Variants in FAM135A observed in about 807,000 individuals in gnomAD.
The protein encoded by FAM135A is family with sequence similarity 135 member A.
FAM135A carries 79 observed loss-of-function variants against 146.8 expected under a neutral mutation model. The observed-to-expected ratio is 0.54, with a 90% CI of 0.45 to 0.65. The LOEUF (loss-of-function observed/expected upper bound fraction) is 0.65. Ranked by LOEUF, FAM135A falls within the 30% of genes least tolerant of loss-of-function variation. The pLI is 0.00. For synonymous variants in FAM135A, 562 were observed against 603.6 expected (o/e 0.93, Z 1.01); for missense variants, 1,623 against 1,758.2 (o/e 0.92, Z 1.38).
chr6:70,520,876 A>G (rs555028640), intron 12 of FAM135A, among the ~76,000 whole-genome samples: 55 of 152,322 alleles, frequency 3.6e-4, no homozygotes, highest in African/African-American at 1.3e-3. Flanking sequence ...AAAGAACTTC[A>G]TTTGGGTGCA....
At chr6:70,467,975 G>A (rs1780803031) in intron 5 of FAM135A, among the ~76,000 whole-genome samples, 1 of 152,144 alleles carries the variant, frequency 6.6e-6, no homozygotes, top group Non-Finnish European at 1.5e-5. Context: ...CTAAACATGA[G>A]TGAAAGGAAG....
chr6:70,522,420 C>A, intron 12 of FAM135A, 93 bp from the exon 13 acceptor site: 1 of 978,052 alleles, frequency 1.0e-6, no homozygotes, highest in Non-Finnish European at 1.6e-6. Flanking sequence ...TTGTGGAAGG[C>A]GTAATGGAGG....
chr6:70,549,286 C>T (rs77057748), intron 20 of FAM135A, among the ~76,000 whole-genome samples: 18,561 of 151,908 alleles, frequency 0.12, 1,441 homozygotes, highest in Middle Eastern at 0.19. Flanking sequence ...AAAGTTAATC[C>T]TGGTAATTCC....
At position 70,476,887 on chromosome 6, in the gene FAM135A, G is replaced by A. The variant is rs1167800532; in HGVS notation, c.369-272G>A. Among the ~76,000 whole-genome samples, 4 of 151,954 alleles carry A rather than the reference G, an allele frequency of 2.6e-5. No individual in the cohort carries two copies. The South Asian group carries it at 8.3e-4, about 32-fold the overall frequency. On this transcript the variant is annotated intron_variant, in intron 7 of 21. Coordinates refer to ENST00000418814, the MANE Select transcript of FAM135A (RefSeq NM_001162529.3). ...TTTTAAGATGAGATTAATTCCTGAAGTATCAAAAAGGATTCATTTTATAGG... is the reference window on the plus strand; with the variant it reads ...TTTTAAGATGAGATTAATTCCTGAAATATCAAAAAGGATTCATTTTATAGG...
intron 2 of FAM135A, among the ~76,000 whole-genome samples, chr6:70,422,385 TC>T (rs2127723811): frequency 6.6e-6 from 1 of 152,356 alleles, no homozygotes; most frequent in African/African-American, 2.4e-5. Context: ...TTTCCTTTAG[TC>T]CCTTTTTTGT....
intron 5 of FAM135A, 37 bp from the exon 6 acceptor site, chr6:70,475,373 A>G (rs1210783222): frequency 6.0e-6 from 9 of 1,491,324 alleles, no homozygotes; most frequent in Non-Finnish European, 6.3e-6. Context: ...GTTATATTTT[A>G]CTTTTATCTG....
chr6:70,526,937 G>C (rs1302100380), intron 15 of FAM135A, among the ~76,000 whole-genome samples: 1 of 151,998 alleles, frequency 6.6e-6, no homozygotes, highest in Admixed American at 6.6e-5. Context: ...TGGCCAGACA[G>C]ACCTATAGTT....
intron 20 of FAM135A, among the ~76,000 whole-genome samples, chr6:70,555,257 ATTTTCTTT>A (rs2128501433): frequency 6.6e-6 from 1 of 152,018 alleles, no homozygotes; most frequent in South Asian, 2.1e-4. Flanking sequence ...CTGGAAATCA[ATTTTCTTT>A]TTTTCTTTTT....
At chr6:70,505,805 T>C (rs2639296) in intron 12 of FAM135A, among the ~76,000 whole-genome samples, 129,903 of 151,956 alleles carry the variant, frequency 0.85, 56,150 homozygotes, top group African/African-American at 0.95. Context: ...AATTTTCTCC[T>C]TGTGTGTTTT....
rs1436613625 is a variant in FAM135A at position 70,525,067 on chromosome 6, C to T, written c.1983C>T (p.Pro661=). The change falls in exon 15 of 22, where the codon CCC becomes CCT. Residue 661 remains proline, a synonymous_variant. Coordinates refer to ENST00000418814, the MANE Select transcript of FAM135A (RefSeq NM_001162529.3). ...GAGTTAGAACAATTGAAATAAAGCCCAGTAATAAAGATCCTTTCAGTGGAG... is the reference window on the plus strand; with the variant it reads ...GAGTTAGAACAATTGAAATAAAGCCTAGTAATAAAGATCCTTTCAGTGGAG... ...SLGVRTIEIK[P]SNKDPFSGEN... is the part of the protein sequence containing the mutation. 6.3e-7 allele frequency: 1 copy of T among 1,584,370 alleles called. No homozygotes were observed. The highest frequency in any genetic ancestry group is 1.4e-5 in the African/African-American group (1 of 73,404).
At chr6:70,514,249 C>T (rs1044316873) in intron 12 of FAM135A, among the ~76,000 whole-genome samples, 4 of 152,064 alleles carry the variant, frequency 2.6e-5, no homozygotes, top group African/African-American at 9.7e-5. Context: ...TAACTCTTTT[C>T]TGTAGCAACT....
intron 20 of FAM135A, 27 bp from the exon 21 acceptor site, chr6:70,556,723 T>C (rs749928580): frequency 2.1e-6 from 3 of 1,443,368 alleles, no homozygotes; most frequent in Admixed American, 2.0e-5. Flanking sequence ...AACTACTGCA[T>C]TATAATTTAT....
intron 4 of FAM135A, among the ~76,000 whole-genome samples, chr6:70,450,508 A>G (rs1449182037): frequency 6.6e-6 from 1 of 151,936 alleles, no homozygotes. Flanking sequence ...TCCCCACACC[A>G]TTTATTGAAG....
chr6:70,456,861 T>G (rs867009554), intron 5 of FAM135A, among the ~76,000 whole-genome samples: 1 of 152,322 alleles, frequency 6.6e-6, no homozygotes, highest in South Asian at 2.1e-4. Context: ...CCTGGTCCAG[T>G]GGCCCTTGAG....
intron 5 of FAM135A, among the ~76,000 whole-genome samples, chr6:70,465,896 T>A (rs1157778237): frequency 1.3e-5 from 2 of 152,192 alleles, no homozygotes; most frequent in African/African-American, 2.4e-5. Flanking sequence ...GAAAGGCTCT[T>A]CCCTTTTATC....
At chr6:70,550,312 A>G (rs1184548638) in intron 20 of FAM135A, among the ~76,000 whole-genome samples, 2 of 152,200 alleles carry the variant, frequency 1.3e-5, no homozygotes, top group Non-Finnish European at 2.9e-5. Context: ...AGATCCATCA[A>G]AGGAATCACT....
At chr6:70,465,611 C>G (rs950551706) in intron 5 of FAM135A, among the ~76,000 whole-genome samples, 11 of 152,088 alleles carry the variant, frequency 7.2e-5, no homozygotes, top group African/African-American at 2.7e-4. Context: ...AACTCCTGGA[C>G]TCAACTGTTC....
At chr6:70,495,700 C>A (rs1787065839) in intron 11 of FAM135A, among the ~76,000 whole-genome samples, 1 of 152,004 alleles carries the variant, frequency 6.6e-6, no homozygotes, top group Admixed American at 6.6e-5. Flanking sequence ...AGGTTTGTTA[C>A]ATAGGTGTAC....
intron 4 of FAM135A, among the ~76,000 whole-genome samples, chr6:70,433,194 C>T (rs1001019421): frequency 6.6e-6 from 1 of 151,894 alleles, no homozygotes; most frequent in African/African-American, 2.4e-5. Flanking sequence ...CCTGCCTCAG[C>T]CTTCCGAGTA....
Sources: allele counts gnomAD v4.1 joint callset (sites outside exome capture counted in the v4.1 genomes callset), GRCh38; gene constraint gnomAD v4.1.1; transcripts MANE v1.5; gene names NCBI Gene and HGNC (gene_info 2026-07-23, HGNC 2026-07-21).